CDC42EP4: variants seen among roughly 807,000 people sequenced by gnomAD.
The protein encoded by CDC42EP4 is CDC42 effector protein 4, also known as CDC42 effector protein (Rho GTPase binding) 4.
In CDC42EP4, 6 loss-of-function variants were observed where a neutral mutation model predicts 5.6. The observed-to-expected ratio is 1.07, with a 90% CI of 0.59 to 2.12. CDC42EP4 has a LOEUF of 2.12. Among genes scored for constraint, CDC42EP4 ranks in the 30% most tolerant of loss-of-function variants. CDC42EP4 has a pLI of 0.00. For missense variants in CDC42EP4, 490 were observed against 508.6 expected (o/e 0.96, Z 0.35); for synonymous variants, 230 against 224.2 (o/e 1.03, Z -0.23).
At position 73,284,491 on chromosome 17, in the gene CDC42EP4, AAGTTG is replaced by A. The variant is rs1371694567; in HGVS notation, c.*934_*938del. On this transcript the variant is annotated 3_prime_UTR_variant, in exon 2 of 2. Transcript: ENST00000335793. ...TTCTAAATAAAGTTGGGAAGCACTA[AAGTTG>A]AGCTGGTGTCTTTGCCACGGATGTC... 1 of 152,150 alleles carries A rather than the reference AAGTTG, an allele frequency of 6.6e-6. No homozygotes were observed. The highest frequency in any genetic ancestry group is 1.5e-5 in the Non-Finnish European group (1 of 68,028). 9.4% of individuals were successfully genotyped at this position (152,150 alleles called of 1,614,324 possible).
intron 1 of CDC42EP4, among the ~76,000 whole-genome samples, chr17:73,294,561 G>GGGCT (rs1178755100): frequency 6.6e-6 from 1 of 152,094 alleles, no homozygotes; most frequent in African/African-American, 2.4e-5. Flanking sequence ...TCCCACCCCA[G>GGGCT]GGCTCCATTC....
At chr17:73,305,675 T>TG (rs1224987539) in intron 1 of CDC42EP4, among the ~76,000 whole-genome samples, 2 of 152,112 alleles carry the variant, frequency 1.3e-5, no homozygotes, top group Non-Finnish European at 2.9e-5. Flanking sequence ...TCAGAACAAT[T>TG]GATAACATTA....
chr17:73,300,345 C>A (rs193144994), intron 1 of CDC42EP4, among the ~76,000 whole-genome samples: 3 of 152,244 alleles, frequency 2.0e-5, no homozygotes, highest in African/African-American at 7.2e-5. Flanking sequence ...GTATCCCTAC[C>A]GGGTGTGGGT....
At position 73,306,090 on chromosome 17, in the gene CDC42EP4, C is replaced by A. The variant is rs1191087832; in HGVS notation, c.-113+5803G>T. On this transcript the variant is annotated intron_variant, in intron 1 of 1. Transcript: ENST00000335793. ...AAGAAGGAGCCTGGCTTCTCTCAGA[C>A]AAGATGGTGAGGTGGAGGTGGGAAA... Among the ~76,000 whole-genome samples the A allele has an allele frequency of 4.6e-5, 7 of 152,144 alleles. No individual in the cohort carries two copies. The South Asian group carries it at 1.2e-3, about 27-fold the overall frequency.
chr17:73,306,236 T>C (rs2062243736), intron 1 of CDC42EP4, among the ~76,000 whole-genome samples: 1 of 151,278 alleles, frequency 6.6e-6, no homozygotes, highest in African/African-American at 2.4e-5. Context: ...ATGCCTGAAA[T>C]CTCAGCACAT....
intron 1 of CDC42EP4, among the ~76,000 whole-genome samples, chr17:73,307,861 C>T (rs1009833563): frequency 6.7e-6 from 1 of 149,202 alleles, no homozygotes; most frequent in Non-Finnish European, 1.5e-5. Context: ...TGTGTCTCAG[C>T]TTCCCCAGTA....
At chr17:73,297,978 C>T (rs1340466311) in intron 1 of CDC42EP4, among the ~76,000 whole-genome samples, 1 of 131,932 alleles carries the variant, frequency 7.6e-6, no homozygotes, top group African/African-American at 2.8e-5. Flanking sequence ...TTAAAACAAA[C>T]AAACAAACAA....
chr17:73,284,241 G>A lies in CDC42EP4; in HGVS notation c.*1189C>T, dbSNP rs1285168180. ...CCCTGGCCTCAAAAGTCGGTGGGGG[G>A]AGGCCTGAGAAAAGAAAGGGAAGTA... On this transcript the variant is annotated 3_prime_UTR_variant, in exon 2 of 2. Coordinates refer to ENST00000335793, the MANE Select transcript of CDC42EP4 (RefSeq NM_012121.5). 1 of 152,028 alleles carries A rather than the reference G, an allele frequency of 6.6e-6. No homozygotes were observed. Among genetic ancestry groups the A allele is most frequent in the Admixed American group, 6.6e-5 (1 of 15,240 alleles). The allele number at this position is 152,028 out of a possible 1,614,324, so 9.4% of individuals were successfully genotyped here.
intron 1 of CDC42EP4, among the ~76,000 whole-genome samples, chr17:73,308,886 A>T (rs896291744): frequency 1.3e-5 from 2 of 151,682 alleles, no homozygotes; most frequent in Non-Finnish European, 1.5e-5. Context: ...ATACAAAAAA[A>T]AATTAGCCGG....
Position 73,286,465 on chromosome 17 carries a change from C to T in CDC42EP4, c.36G>A (p.Val12=). 1 of 1,605,144 alleles carries T rather than the reference C, an allele frequency of 6.2e-7. No individual in the cohort carries two copies. Among genetic ancestry groups the T allele is most frequent in the Non-Finnish European group, 8.5e-7 (1 of 1,173,728 alleles). The change falls in exon 2 of 2, where the codon GTG becomes GTA. Residue 12 remains valine, a synonymous_variant. Coordinates refer to ENST00000335793, the MANE Select transcript of CDC42EP4 (RefSeq NM_012121.5). The surrounding 1 kb of genome is among the most constrained non-coding windows in gnomAD (Gnocchi z 7.7). ...CCGCTCGGGAACGGCGCTTGGAGTG[C>T]ACCGAGCTGGACACCAGTTGCTTGA... The part of the protein sequence containing the change: ...PILKQLVSSS[V]HSKRRSRADL...
At chr17:73,300,695 A>C (rs188401349) in intron 1 of CDC42EP4, among the ~76,000 whole-genome samples, 2 of 152,316 alleles carry the variant, frequency 1.3e-5, no homozygotes, top group South Asian at 2.1e-4. Flanking sequence ...CAATATACCC[A>C]TGTAACAAAA....
chr17:73,309,193 CA>C (rs557977796), intron 1 of CDC42EP4, among the ~76,000 whole-genome samples: 197 of 151,318 alleles, frequency 1.3e-3, no homozygotes, highest in African/African-American at 4.5e-3. Flanking sequence ...ACAAAAAATA[CA>C]AAAAATGGCT....
intron 1 of CDC42EP4, among the ~76,000 whole-genome samples, chr17:73,292,626 G>T (rs1210752065): frequency 6.6e-6 from 1 of 152,184 alleles, no homozygotes; most frequent in Non-Finnish European, 1.5e-5. Context: ...TCTGGGGGAG[G>T]CCCCTCTTGA....
chr17:73,289,731 G>GAGGGAGGGAGGA (rs144441733), intron 1 of CDC42EP4, among the ~76,000 whole-genome samples: 2 of 136,602 alleles, frequency 1.5e-5, no homozygotes, highest in Admixed American at 7.9e-5. Context: ...GGGAGGAAGG[G>GAGGGAGGGAGGA]AGGGAGGGAG....
intron 1 of CDC42EP4, among the ~76,000 whole-genome samples, chr17:73,297,025 G>T (rs2062191178): frequency 7.3e-6 from 1 of 137,920 alleles, no homozygotes; most frequent in African/African-American, 2.6e-5. Flanking sequence ...CAAGCGCCGT[G>T]GCTCACACCT....
chr17:73,287,186 G>A (rs370088824), intron 1 of CDC42EP4, among the ~76,000 whole-genome samples: 2 of 152,212 alleles, frequency 1.3e-5, no homozygotes, highest in African/African-American at 2.4e-5. Context: ...CTGCGTGGGC[G>A]GCACAGTCCT....
In CDC42EP4 at chr17:73,296,677, G is replaced by C. The variant is rs376121070; in HGVS notation, c.-112-10065C>G. ...AGCCTGGCCAACTTGTTGAAACCCCGTCTCTACTTTTAAAAAAATACACGG... is the reference window on the plus strand; with the variant it reads ...AGCCTGGCCAACTTGTTGAAACCCCCTCTCTACTTTTAAAAAAATACACGG... On this transcript the variant is annotated intron_variant, in intron 1 of 1. Transcript: ENST00000335793. Among the ~76,000 whole-genome samples the C allele has an allele frequency of 6.1e-4, 92 of 151,298 alleles. 2 individuals are homozygous for C. In the East Asian group the frequency reaches 0.016, roughly 26 times the overall value.
rs764622571 is a variant in CDC42EP4 at position 73,286,072 on chromosome 17, G to A, written c.429C>T (p.Pro143=). 4.4e-5 allele frequency: 71 copies of A among 1,613,856 alleles called. No homozygotes were observed. The highest frequency in any genetic ancestry group is 5.6e-5 in the Non-Finnish European group (66 of 1,180,036). The change falls in exon 2 of 2, where the codon CCC becomes CCT. Residue 143 remains proline (P), a synonymous_variant. Transcript: ENST00000335793. The surrounding 1 kb of genome is among the most constrained non-coding windows in gnomAD (Gnocchi z 7.7). ...SKLPKSLSSS[P]VKKANDGEGG... is the part of the protein sequence containing the mutation. ...CCTCCCCGTCATTGGCCTTCTTCACGGGGCTGGATGACAGGCTCTTGGGCA... is the reference window on the plus strand; with the variant it reads ...CCTCCCCGTCATTGGCCTTCTTCACAGGGCTGGATGACAGGCTCTTGGGCA...
intron 1 of CDC42EP4, among the ~76,000 whole-genome samples, chr17:73,303,146 CCAG>C (rs2062227635): frequency 6.7e-6 from 1 of 149,746 alleles, no homozygotes; most frequent in African/African-American, 2.5e-5. Context: ...GAGTTCGAGA[CCAG>C]CCTGACCAAC....
Sources: gnomAD v4.1 joint callset for allele counts (sites outside exome capture counted in the v4.1 genomes callset) on GRCh38, gnomAD v4.1.1 for gene constraint, Gnocchi (gnomAD v3.1) non-coding constraint, MANE v1.5 for transcripts, NCBI Gene and HGNC (gene_info 2026-07-23, HGNC 2026-07-21) for gene names.